ATAD2: variants seen among roughly 807,000 people sequenced by gnomAD.
The protein encoded by ATAD2 is ATPase family AAA domain-containing protein 2.
A neutral mutation model predicts 168.9 loss-of-function variants in ATAD2; 62 were observed. The ratio of observed to expected loss-of-function variants is 0.37; its 90% CI spans 0.30 to 0.45. ATAD2 has a LOEUF of 0.45. ATAD2 is among the 20% of genes least tolerant of loss of function. The pLI, the probability that ATAD2 is intolerant of heterozygous loss-of-function variation, is 1.00. For missense variants in ATAD2, 1,419 were observed against 1,667.8 expected (o/e 0.85, Z 2.60); for synonymous variants, 613 against 571.6 (o/e 1.07, Z -1.03).
intron 4 of ATAD2, 43 bp downstream of exon 4, chr8:123,371,627 C>T (rs1829151246): frequency 6.5e-7 from 1 of 1,538,004 alleles, no homozygotes; most frequent in Non-Finnish European, 8.8e-7. Context: ...AACAAAAAGT[C>T]TCTGACAGAT....
intron 2 of ATAD2, among the ~76,000 whole-genome samples, chr8:123,375,835 G>A (rs1220517646): frequency 6.6e-6 from 1 of 152,106 alleles, no homozygotes; most frequent in Non-Finnish European, 1.5e-5. Flanking sequence ...GTGGCTGGGT[G>A]CAGTGGCTTA....
At chr8:123,394,241 G>C (rs1453508832) in intron 1 of ATAD2, among the ~76,000 whole-genome samples, 5 of 152,150 alleles carry the variant, frequency 3.3e-5, no homozygotes, top group African/African-American at 1.2e-4. Flanking sequence ...CCAATGTGGT[G>C]GGTATCATCC....
intron 7 of ATAD2, 87 bp downstream of exon 7, chr8:123,369,734 C>A: frequency 8.5e-7 from 1 of 1,176,526 alleles, no homozygotes; most frequent in Non-Finnish European, 1.2e-6. Flanking sequence ...ATGAAAAATA[C>A]CAAAAAGACA....
chr8:123,336,903 A>G (rs991004584), intron 21 of ATAD2, among the ~76,000 whole-genome samples: 1 of 151,964 alleles, frequency 6.6e-6, no homozygotes, highest in African/African-American at 2.4e-5. Flanking sequence ...GCACTTTGGG[A>G]GGCTGAGACA....
At chr8:123,354,503 C>T (rs1828568148) in intron 13 of ATAD2, among the ~76,000 whole-genome samples, 1 of 151,940 alleles carries the variant, frequency 6.6e-6, no homozygotes, top group Non-Finnish European at 1.5e-5. Flanking sequence ...GTCAGGAGTT[C>T]AGGACCAGCT....
At chr8:123,400,292 C>T (rs993670512), upstream of ATAD2, among the ~76,000 whole-genome samples, 4 of 152,184 alleles carry the variant, frequency 2.6e-5, no homozygotes, top group Admixed American at 2.0e-4. This position sits in a 1 kb window ranked among gnomAD's most constrained non-coding sequence, Gnocchi z 4.5. Flanking sequence ...AGAACAAGTG[C>T]AAAGGCCCTG....
chr8:123,375,598 T>C (rs554815292), intron 2 of ATAD2, among the ~76,000 whole-genome samples: 1 of 152,292 alleles, frequency 6.6e-6, no homozygotes, highest in Non-Finnish European at 1.5e-5. Flanking sequence ...GGCCAAAAAG[T>C]AGACAATCCA....
At chr8:123,374,641 T>C (rs1011137733) in intron 2 of ATAD2, among the ~76,000 whole-genome samples, 1 of 152,196 alleles carries the variant, frequency 6.6e-6, no homozygotes, top group Admixed American at 6.5e-5. Context: ...TATTTTAAGC[T>C]TGGAAGCCAT....
chr8:123,365,981 G>C (rs951647311), intron 8 of ATAD2, among the ~76,000 whole-genome samples: 1 of 152,080 alleles, frequency 6.6e-6, no homozygotes, highest in South Asian at 2.1e-4. Flanking sequence ...AGAGTAAAAA[G>C]GCAACCCACA....
chr8:123,363,723 T>C (rs1488334421), intron 8 of ATAD2, among the ~76,000 whole-genome samples: 1 of 152,132 alleles, frequency 6.6e-6, no homozygotes, highest in East Asian at 1.9e-4. Flanking sequence ...AACCTCCCAA[T>C]TAATAAAAAA....
chr8:123,392,855 G>T (rs536535945), intron 1 of ATAD2, among the ~76,000 whole-genome samples: 1 of 152,088 alleles, frequency 6.6e-6, no homozygotes, highest in Non-Finnish European at 1.5e-5. Flanking sequence ...GTCTCAAGAG[G>T]GTTTTAAGTG....
At chr8:123,390,776 T>G (rs1289784412) in intron 1 of ATAD2, among the ~76,000 whole-genome samples, 1 of 152,220 alleles carries the variant, frequency 6.6e-6, no homozygotes, top group Non-Finnish European at 1.5e-5. Flanking sequence ...CTCACGCCTG[T>G]AATCCCAGAC....
At position 123,402,821 on chromosome 8, in the gene ATAD2, T is replaced by C; in HGVS notation, c.-2281-1646A>G. Reference sequence around the variant, plus strand: ...ATCAAGCAGGTCTCAATGCCAATAATAATAATAATAATAATAATAATAAAA... The same window carrying C: ...ATCAAGCAGGTCTCAATGCCAATAACAATAATAATAATAATAATAATAAAA... On this transcript the variant is annotated intron_variant, in intron 1 of 28. Transcript: ENST00000521903. The surrounding 1 kb of genome is among the most constrained non-coding windows in gnomAD (Gnocchi z 4.8). Among the ~76,000 whole-genome samples the C allele has an allele frequency of 6.7e-6, 1 of 150,362 alleles. No individual in the cohort carries two copies. The highest frequency in any genetic ancestry group is 2.5e-5 in the African/African-American group (1 of 40,296).
intron 1 of ATAD2, among the ~76,000 whole-genome samples, chr8:123,389,960 T>TTATATATATATATATATATATA (rs386360951): frequency 1.1e-4 from 10 of 94,038 alleles, no homozygotes; most frequent in Admixed American, 2.8e-4. Context: ...TACTATTATT[T>TTATATATATATATATATATATA]TATATATATA....
chr8:123,340,939 A>G (rs1828043431), intron 19 of ATAD2, among the ~76,000 whole-genome samples: 2 of 151,228 alleles, frequency 1.3e-5, no homozygotes, highest in African/African-American at 4.9e-5. Context: ...TGAAATGGTA[A>G]GTTTTGTCTT....
At chr8:123,323,216 G>A in intron 26 of ATAD2, 150 bp from the exon 27 acceptor site, 1 of 736,024 alleles carries the variant, frequency 1.4e-6, no homozygotes, top group Non-Finnish European at 2.1e-6. Flanking sequence ...CAGTGGCTCT[G>A]ACATTTAAAT....
At chr8:123,356,866 T>C (rs1828662212) in intron 12 of ATAD2, among the ~76,000 whole-genome samples, 1 of 152,182 alleles carries the variant, frequency 6.6e-6, no homozygotes, top group East Asian at 1.9e-4. Flanking sequence ...TATAATGATA[T>C]ATGGTTTAAT....
At chr8:123,400,598 A>G (rs1812982934), upstream of ATAD2, 1 of 571,320 alleles carries the variant, frequency 1.8e-6, no homozygotes, top group Non-Finnish European at 3.3e-6. This position sits in a 1 kb window ranked among gnomAD's most constrained non-coding sequence, Gnocchi z 4.5. Context: ...CTGATGAGCC[A>G]GGGCACCGGC....
chr8:123,339,120 T>G (rs1227539429), intron 20 of ATAD2, among the ~76,000 whole-genome samples, 191 bp downstream of exon 20: 2 of 152,292 alleles, frequency 1.3e-5, no homozygotes, highest in South Asian at 2.1e-4. Context: ...GGCTATACTA[T>G]GAAAGACTTT....
Sources: gnomAD v4.1 joint callset for allele counts (sites outside exome capture counted in the v4.1 genomes callset) on GRCh38, gnomAD v4.1.1 for gene constraint, Gnocchi (gnomAD v3.1) non-coding constraint, MANE v1.5 for transcripts, NCBI Gene and HGNC (gene_info 2026-07-23, HGNC 2026-07-21) for gene names.